The following CMTR2 variants were observed in gnomAD, a reference collection of about 807,000 sequenced individuals.
CMTR2 encodes cap-specific mRNA (nucleoside-2'-O-)-methyltransferase 2.
A neutral mutation model predicts 49.8 loss-of-function variants in CMTR2; 40 were observed. The ratio of observed to expected loss-of-function variants is 0.80; its 90% CI spans 0.62 to 1.04. The LOEUF is 1.04. Among genes scored for constraint, CMTR2 ranks in the 50% least tolerant of loss-of-function variants. CMTR2 has a pLI of 0.00. For synonymous variants in CMTR2, 326 were observed against 315.8 expected (o/e 1.03, Z -0.34); for missense variants, 907 against 897.2 (o/e 1.01, Z -0.14).
chr16:71,287,920 T>C (rs555099839), intron 2 of CMTR2: 1 of 152,340 alleles, frequency 6.6e-6, no homozygotes, highest in East Asian at 1.9e-4. Context: ...AGATCTCATC[T>C]ATACTCTATT....
In CMTR2 at chr16:71,285,909, G is replaced by C. The variant is rs764960244; in HGVS notation, c.12C>G (p.Cys4Trp). The C allele has an allele frequency of 1.9e-6, 3 of 1,557,856 alleles. No homozygotes were observed. In the East Asian group the frequency reaches 6.8e-5, roughly 35 times the overall value. The part of the protein sequence containing the change: MSK[C>W]RKTPVQQLAS... ...CTAGCTGCTGAACTGGTGTCTTTCT[G>C]CACTTACTCATTTTCAAATCAAATT... The change falls in exon 3 of 3, where the codon TGC (cysteine) becomes TGG (tryptophan). Residue 4 changes from cysteine (C) to tryptophan (W), a missense_variant. Physicochemically the swap from Cys to Trp is radical, Grantham distance 215 (BLOSUM62 -2). Transcript: ENST00000434935.
At position 71,284,342 on chromosome 16, in the gene CMTR2, A is replaced by G. The variant is rs2041673640; in HGVS notation, c.1579T>C (p.Leu527=). Residue 527 remains leucine, a synonymous_variant, in exon 3 of 3, where the codon TTA becomes CTA. Coordinates refer to ENST00000434935, the MANE Select transcript of CMTR2 (RefSeq NM_018348.6). ...KTLNEAIEKS[L]GGAFNLDSKF... is the part of the protein sequence containing the mutation. ...GAATCCAAATTAAAAGCTCCTCCTA[A>G]TGACTTTTCAATTGCTTCATTAAGA... 1.2e-6 allele frequency: 2 copies of G among 1,613,630 alleles called. No individual in the cohort carries two copies. The highest frequency in any genetic ancestry group is 1.7e-6 in the Non-Finnish European group (2 of 1,179,888).
In CMTR2 at chr16:71,283,501, G is replaced by A. The variant is rs1003623098; in HGVS notation, c.*107C>T. 7.8e-6 allele frequency: 10 copies of A among 1,288,974 alleles called. No individual in the cohort carries two copies. Among genetic ancestry groups the A allele is most frequent in the East Asian group, 5.0e-5 (2 of 40,342 alleles). 79.8% of individuals were successfully genotyped at this position (1,288,974 alleles called of 1,614,324 possible). ...TAATGAGACTTTGAATGATGCAAAT[G>A]TTGGCCTTTCCCCAAAATAAAAGGT... On this transcript the variant is annotated 3_prime_UTR_variant, in exon 3 of 3. Transcript: ENST00000434935.
chr16:71,289,663 A>AGGGGGG (rs1259857977), upstream of CMTR2: 2 of 11,764 alleles, frequency 1.7e-4, no homozygotes, highest in South Asian at 2.9e-3. Flanking sequence ...GGGGAGGGGG[A>AGGGGGG]GGGAGGGAAG....
In CMTR2 at chr16:71,285,190, G is replaced by A. The variant is rs1435273310; in HGVS notation, c.731C>T (p.Pro244Leu). 6.2e-7 allele frequency: 1 copy of A among 1,613,894 alleles called. No homozygotes were observed. ...ADGSFDCQGN[P>L]GEQEALVSSL... ...AGAAACTAAAGCTTCTTGTTCACCT[G>A]GGTTTCCTTGGCAATCAAAACTCCC... Residue 244 changes from proline (P) to leucine (L), a missense_variant, in exon 3 of 3, where the codon CCA (proline) becomes CTA (leucine). Transcript: ENST00000434935.
At position 71,282,700 on chromosome 16, in the gene CMTR2, A is replaced by C. The variant is rs2056103904; in HGVS notation, c.*908T>G. The C allele has an allele frequency of 6.6e-6, 1 of 152,194 alleles. No individual in the cohort carries two copies. The highest frequency in any genetic ancestry group is 2.1e-4 in the South Asian group (1 of 4,834). The allele number at this position is 152,194 out of a possible 1,614,324, so 9.4% of individuals were successfully genotyped here. A position where few individuals can be genotyped will look rare whatever the true frequency, so the allele number is the denominator to read the frequency against. On this transcript the variant is annotated 3_prime_UTR_variant, in exon 3 of 3. Coordinates refer to ENST00000434935, the MANE Select transcript of CMTR2 (RefSeq NM_018348.6). Reference sequence around the variant, plus strand: ...TTTTAAATTCTGAACCATCATTCTGAAAGTCTGAAGCGTTTTCTTTAGTAT... The same window carrying C: ...TTTTAAATTCTGAACCATCATTCTGCAAGTCTGAAGCGTTTTCTTTAGTAT...
rs756312888 is a variant in CMTR2, at chr16:71,285,327, G to A, written c.594C>T (p.His198=). The A allele has an allele frequency of 6.2e-7, 1 of 1,614,112 alleles. No homozygotes were observed. Among genetic ancestry groups the A allele is most frequent in the South Asian group, 1.1e-5 (1 of 91,078 alleles). The change falls in exon 3 of 3, where the codon CAC becomes CAT. Residue 198 remains histidine (H), a synonymous_variant. Transcript: ENST00000434935. ...MDDRLIANTL[H]WWYFGPDNTG... is the part of the protein sequence containing the mutation. The stretch of plus-strand genomic sequence containing the variant: ...TGTTATCTGGACCAAAGTACCACCA[G>A]TGCAAGGTATTTGCAATAAGCCGGT...
chr16:71,284,936 G>A lies in CMTR2; in HGVS notation c.985C>T (p.Leu329=). The A allele has an allele frequency of 6.2e-7, 1 of 1,614,138 alleles. No individual in the cohort carries two copies. The highest frequency in any genetic ancestry group is 1.1e-5 in the South Asian group (1 of 91,078). The change falls in exon 3 of 3, where the codon CTG becomes TTG. Residue 329 remains leucine, a synonymous_variant. Transcript: ENST00000434935. ...HYKGREAIHP[L]LSKMTLNFGT... ...AAATTCAAGGTCATCTTAGATAACA[G>A]AGGATGGATGGCCTCTCTCCCCTTA...
Position 71,284,269 on chromosome 16 carries a change from GA to G in CMTR2, c.1651del (p.Ser551LeufsTer4). 6.2e-7 allele frequency: 1 copy of G among 1,613,966 alleles called. No homozygotes were observed. Among genetic ancestry groups the G allele is most frequent in the Non-Finnish European group, 8.5e-7 (1 of 1,179,950 alleles). On this transcript the variant is annotated frameshift_variant, in exon 3 of 3. Transcript: ENST00000434935. LOFTEE classifies it high-confidence loss of function. ...CAACTCGGAAAATATCAGTTCTTCA[GA>G]AAAAACATGACAAGAACAAGAATAC... Reference protein sequence around the residue: ...QQYSCSCHVFSEELIFSELCS... With the variant: ...QQYSCSCHVFXEELIFSELCS...
rs765296562 is a variant in CMTR2, at chr16:71,284,892, CCTTTT to C, written c.1024_1028del (p.Lys342GlufsTer11). On this transcript the variant is annotated frameshift_variant, in exon 3 of 3. Coordinates refer to ENST00000434935, the MANE Select transcript of CMTR2 (RefSeq NM_018348.6). LOFTEE classifies it high-confidence loss of function. ...TCACATGATGGGGAAAAAGGGCTTT[CCTTTT>C]CATTTCAGTCCCAAAATTCAAGGTC... The C allele has an allele frequency of 1.9e-6, 3 of 1,614,062 alleles. No individual in the cohort carries two copies. The highest frequency in any genetic ancestry group is 2.5e-6 in the Non-Finnish European group (3 of 1,179,962).
chr16:71,285,558 A>G lies in CMTR2; in HGVS notation c.363T>C (p.Ile121=). ...CTQAWCKFHE[I]LCSFPLIPQE... is the part of the protein sequence containing the mutation. ...GTGGAATAAGTGGAAAGCTGCACAA[A>G]ATCTCATGGAACTTACACCATGCTT... is the stretch of plus-strand genomic sequence containing the variant. Residue 121 remains isoleucine, a synonymous_variant, in exon 3 of 3, where the codon ATT becomes ATC. Coordinates refer to ENST00000434935, the MANE Select transcript of CMTR2 (RefSeq NM_018348.6). The G allele has an allele frequency of 1.2e-6, 2 of 1,613,944 alleles. No homozygotes were observed.
rs751038298 is a variant in CMTR2, at chr16:71,284,994, T to A, written c.927A>T (p.Gly309=). Residue 309 remains glycine (G), a synonymous_variant, in exon 3 of 3, where the codon GGA becomes GGT. Transcript: ENST00000434935. ...HVFKPATSKA[G]NSEVYVVCLH... is the part of the protein sequence containing the mutation. ...GGCAAACCACATAGACTTCGGAGTT[T>A]CCTGCCTTGCTAGTAGCAGGTTTGA... 5.0e-6 allele frequency: 8 copies of A among 1,613,950 alleles called. No individual in the cohort carries two copies. The Admixed American group carries it at 1.3e-4, about 27-fold the overall frequency.
chr16:71,283,908 A>C lies in CMTR2; in HGVS notation c.2013T>G (p.Phe671Leu). Residue 671 changes from phenylalanine (F) to leucine (L), a missense_variant, in exon 3 of 3, where the codon TTT becomes TTG. Coordinates refer to ENST00000434935, the MANE Select transcript of CMTR2 (RefSeq NM_018348.6). ...GGGGATCAGAGGATGTGGGACAAAC[A>C]AAAGTGATGAATCTAAAACAACTGT... ...VLHSCFRFIT[F>L]VCPTSSDPLR... 6.2e-7 allele frequency: 1 copy of C among 1,614,078 alleles called. No individual in the cohort carries two copies. The highest frequency in any genetic ancestry group is 1.6e-4 in the Middle Eastern group (1 of 6,062).
Position 71,285,097 on chromosome 16 carries a change from T to G in CMTR2, c.824A>C (p.Lys275Thr). The G allele has an allele frequency of 6.2e-7, 1 of 1,614,014 alleles. No individual in the cohort carries two copies. Among genetic ancestry groups the G allele is most frequent in the Non-Finnish European group, 8.5e-7 (1 of 1,179,878 alleles). ...ACAATGTTCAAACATAGTAAACATC[T>G]TTAGAACAAAAGAGCCACCGTTTCC... ...TLGNGGSFVLKMFTMFEHCSI... is the reference protein window; with the variant it reads ...TLGNGGSFVLTMFTMFEHCSI... Residue 275 changes from lysine to threonine, a missense_variant, in exon 3 of 3, where the codon AAG becomes ACG. By Grantham distance (78) the Lys-to-Thr change is moderately conservative. Coordinates refer to ENST00000434935, the MANE Select transcript of CMTR2 (RefSeq NM_018348.6).
Position 71,285,773 on chromosome 16 carries a change from T to C in CMTR2, c.148A>G (p.Ser50Gly), listed in dbSNP as rs768151348. The change falls in exon 3 of 3, where the codon AGT becomes GGT. Residue 50 changes from serine to glycine, a missense_variant. Coordinates refer to ENST00000434935, the MANE Select transcript of CMTR2 (RefSeq NM_018348.6). ...GTGTGGTCACAGGTGAAAATCTCAC[T>C]GGGATCTGGTAACTGCCACTCATTA... The part of the protein sequence containing the change: ...LNNEWQLPDP[S>G]EIFTCDHTEL... 3 of 1,614,040 alleles carry C rather than the reference T, an allele frequency of 1.9e-6. No homozygotes were observed. The highest frequency in any genetic ancestry group is 2.5e-6 in the Non-Finnish European group (3 of 1,179,964).
Position 71,284,445 on chromosome 16 carries a change from G to A in CMTR2, c.1476C>T (p.His492=), listed in dbSNP as rs2041676172. The A allele has an allele frequency of 2.5e-6, 4 of 1,613,936 alleles. No homozygotes were observed. The highest frequency in any genetic ancestry group is 1.1e-5 in the South Asian group (1 of 91,076). ...TCTTTCCCTCCAAAATATGCCATAA[G>A]TGACACTCAAGATTGGAAGCTGTTC... The part of the protein sequence containing the change: ...LEGTASNLEC[H]LWHILEGKKL... Residue 492 remains histidine, a synonymous_variant, in exon 3 of 3, where the codon CAC becomes CAT. Coordinates refer to ENST00000434935, the MANE Select transcript of CMTR2 (RefSeq NM_018348.6).
chr16:71,284,753 G>C lies in CMTR2; in HGVS notation c.1168C>G (p.Gln390Glu). ...RLFECMGKAE[Q>E]EKLNNLRDCA... The stretch of plus-strand genomic sequence containing the variant: ...TCCCTTAAATTATTCAGCTTTTCTT[G>C]TTCCGCCTTTCCCATGCACTCAAAT... The change falls in exon 3 of 3, where the codon CAA becomes GAA. Residue 390 changes from glutamine (Q) to glutamate (E), a missense_variant. Gln to Glu is a conservative substitution (Grantham distance 29, BLOSUM62 2). Coordinates refer to ENST00000434935, the MANE Select transcript of CMTR2 (RefSeq NM_018348.6). 6.2e-7 allele frequency: 1 copy of C among 1,613,494 alleles called. No homozygotes were observed. Among genetic ancestry groups the C allele is most frequent in the Non-Finnish European group, 8.5e-7 (1 of 1,179,798 alleles).
At chr16:71,287,359 T>C (rs922499417) in intron 2 of CMTR2, 18 of 152,364 alleles carry the variant, frequency 1.2e-4, no homozygotes, top group Admixed American at 7.8e-4. Flanking sequence ...AAGTCTACTC[T>C]ACCAGTTTGT....
chr16:71,285,874 G>A lies in CMTR2; in HGVS notation c.47C>T (p.Ala16Val), dbSNP rs200569499. ...AGCAAGAATATCTGGGCTGAATGAC[G>A]CGGGACTTGCTAGCTGCTGAACTGG... ...KTPVQQLASP[A>V]SFSPDILADI... The change falls in exon 3 of 3, where the codon GCG (alanine) becomes GTG (valine). Residue 16 changes from alanine to valine, a missense_variant. Ala to Val is a moderately conservative substitution (Grantham distance 64). Transcript: ENST00000434935. 39 of 1,610,046 alleles carry A rather than the reference G, an allele frequency of 2.4e-5. No homozygotes were observed. Among genetic ancestry groups the A allele is most frequent in the East Asian group, 6.7e-5 (3 of 44,862 alleles).
Sources: gnomAD v4.1 joint callset for allele counts on GRCh38, gnomAD v4.1.1 for gene constraint, MANE v1.5 for transcripts, NCBI Gene and HGNC (gene_info 2026-07-23, HGNC 2026-07-21) for gene names.